SEMA4D: variants seen among roughly 807,000 people sequenced by gnomAD.
SEMA4D encodes semaphorin 4D, also known as semaphorin-4D.
In SEMA4D, 22 loss-of-function variants were observed where a neutral mutation model predicts 74.8. That is an observed-to-expected ratio of 0.29 (90% CI 0.21 to 0.42). SEMA4D has a LOEUF of 0.42. SEMA4D is among the 10% of genes least tolerant of loss of function. The pLI is 1.00. For missense variants in SEMA4D, 937 were observed against 1,118.4 expected, an observed-to-expected ratio of 0.84 and a Z score of 2.31; for synonymous variants, 445 against 463.7, an observed-to-expected ratio of 0.96 and a Z score of 0.52.
chr9:89,399,291 C>CT lies in SEMA4D; in HGVS notation c.299dup (p.Lys102GlufsTer35). 6.2e-7 allele frequency: 1 copy of CT among 1,613,854 alleles called. No homozygotes were observed. The highest frequency in any genetic ancestry group is 8.5e-7 in the Non-Finnish European group (1 of 1,179,662). On this transcript the variant is annotated frameshift_variant, in exon 5 of 16. Coordinates refer to ENST00000422704, the MANE Select transcript of SEMA4D (RefSeq NM_001371194.2). LOFTEE classifies it high-confidence loss of function. The stretch of plus-strand genomic sequence containing the variant: ...AGAAATTTACCTGTTTTGATTTCCC[C>CT]TTTTCTGCACATTTTGCTTTTTTGT...
At chr9:89,431,200 T>C (rs1849203466) in intron 2 of SEMA4D, among the ~76,000 whole-genome samples, 1 of 152,156 alleles carries the variant, frequency 6.6e-6, no homozygotes, top group African/African-American at 2.4e-5. Context: ...ACCCAGGGAA[T>C]GGCCTGACTG....
Position 89,484,548 on chromosome 9 carries a change from G to A in SEMA4D, c.-310+13371C>T, listed in dbSNP as rs745965123. On this transcript the variant is annotated intron_variant, in intron 1 of 15. Transcript: ENST00000422704. The surrounding 1 kb of genome is among the most constrained non-coding windows in gnomAD (Gnocchi z 4.1). ...GTATGGACTGGGTGTGTGGGGTGGG[G>A]AGGTACGTGTATGGTGTGTGTATAC... Among the ~76,000 whole-genome samples the A allele has an allele frequency of 7.9e-5, 12 of 151,616 alleles. No individual in the cohort carries two copies. The highest frequency in any genetic ancestry group is 1.5e-4 in the Non-Finnish European group (10 of 67,888).
intron 6 of SEMA4D, among the ~76,000 whole-genome samples, chr9:89,395,095 A>ATCT (rs1450340193): frequency 6.6e-6 from 1 of 152,170 alleles, no homozygotes; most frequent in East Asian, 1.9e-4. Context: ...CAAGTGATAC[A>ATCT]TCTTTTCTGC....
At chr9:89,494,620 ATG>A (rs1825868261) in intron 1 of SEMA4D, among the ~76,000 whole-genome samples, 1 of 152,244 alleles carries the variant, frequency 6.6e-6, no homozygotes, top group Admixed American at 6.5e-5. Flanking sequence ...ATCCAATGGC[ATG>A]TTTTACAGGG....
chr9:89,381,466 T>A lies in SEMA4D; in HGVS notation c.1447-120A>T. The A allele has an allele frequency of 1.0e-6, 1 of 980,264 alleles. No individual in the cohort carries two copies. Among genetic ancestry groups the A allele is most frequent in the Non-Finnish European group, 1.5e-6 (1 of 686,880 alleles). 60.7% of individuals were successfully genotyped at this position (980,264 alleles called of 1,614,324 possible). ...AGTGTACCTTCAGGGGACATTGCAG[T>A]AAGGAGGAGAGGTACTCAGAACCAG... On this transcript the variant is annotated intron_variant, in intron 13 of 15. Coordinates refer to ENST00000422704, the MANE Select transcript of SEMA4D (RefSeq NM_001371194.2). The surrounding 1 kb of genome is among the most constrained non-coding windows in gnomAD (Gnocchi z 4.6).
At chr9:89,369,964 G>C (rs1834287887) in intron 16 of SEMA4D, among the ~76,000 whole-genome samples, 1 of 151,960 alleles carries the variant, frequency 6.6e-6, no homozygotes, top group African/African-American at 2.4e-5. Context: ...GCTTTGGTGT[G>C]TGCAGTATGT....
chr9:89,455,177 G>A (rs566190884), intron 2 of SEMA4D, among the ~76,000 whole-genome samples: 2 of 152,376 alleles, frequency 1.3e-5, no homozygotes, highest in African/African-American at 4.8e-5. Flanking sequence ...CATGACATGC[G>A]GACTCGCACC....
At chr9:89,463,906 C>A (rs1857976565) in intron 1 of SEMA4D, among the ~76,000 whole-genome samples, 1 of 150,610 alleles carries the variant, frequency 6.6e-6, no homozygotes, top group South Asian at 2.1e-4. Context: ...TGCACTCCAG[C>A]CTGGGTGACA....
At chr9:89,395,118 T>G (rs566202064) in intron 6 of SEMA4D, among the ~76,000 whole-genome samples, 30 of 152,300 alleles carry the variant, frequency 2.0e-4, no homozygotes, top group African/African-American at 7.2e-4. Context: ...CTGTGAAAAC[T>G]TTTATTAAAA....
chr9:89,494,045 A>G (rs148624145), intron 1 of SEMA4D, among the ~76,000 whole-genome samples: 82 of 152,328 alleles, frequency 5.4e-4, no homozygotes, highest in African/African-American at 1.8e-3. Context: ...GCACATATTC[A>G]GAGGATCAAT....
chr9:89,406,897 C>T (rs944890666), intron 2 of SEMA4D, among the ~76,000 whole-genome samples: 6 of 152,150 alleles, frequency 3.9e-5, no homozygotes, highest in Non-Finnish European at 8.8e-5. Flanking sequence ...TTCCTACAGT[C>T]CATGTCCCCA....
chr9:89,425,254 C>T (rs950262774), intron 2 of SEMA4D, among the ~76,000 whole-genome samples: 5 of 152,190 alleles, frequency 3.3e-5, no homozygotes, highest in Admixed American at 2.0e-4. Flanking sequence ...TTGACACCCA[C>T]CCACTGAAAT....
chr9:89,458,029 T>A lies in SEMA4D; in HGVS notation c.-309-2076A>T, dbSNP rs113342532. Among the ~76,000 whole-genome samples, 694 of 151,988 alleles carry A rather than the reference T, an allele frequency of 4.6e-3. 8 individuals carry two copies. The highest frequency in any genetic ancestry group is 6.8e-3 in the Non-Finnish European group (465 of 67,998). ...GCCTGGTCGATAGAGCGAGACTGGG[T>A]CTCAAACAAACAAACAACAAACAAC... On this transcript the variant is annotated intron_variant, in intron 1 of 15. Transcript: ENST00000422704.
chr9:89,405,266 C>T lies in SEMA4D; in HGVS notation c.106+85G>A, dbSNP rs537015150. 19 of 1,198,664 alleles carry T rather than the reference C, an allele frequency of 1.6e-5. 1 individual carries two copies. In the South Asian group the frequency reaches 2.1e-4, roughly 13 times the overall value. The allele number at this position is 1,198,664 out of a possible 1,614,324, so 74.3% of individuals were successfully genotyped here. A position where few individuals can be genotyped will look rare whatever the true frequency, so the allele number is the denominator to read the frequency against. ...CATTCCAGGAAGTGGGGTCCCTGTC[C>T]CGTCCCCAGCCACCCACCTCAGCAT... On this transcript the variant is annotated intron_variant, in intron 3 of 15. Transcript: ENST00000422704.
chr9:89,414,125 C>T (rs369623646), intron 2 of SEMA4D, among the ~76,000 whole-genome samples: 61 of 152,220 alleles, frequency 4.0e-4, no homozygotes, highest in African/African-American at 1.4e-3. Flanking sequence ...GGACACCAGT[C>T]ACTACCACAT....
At chr9:89,391,471 C>A in intron 8 of SEMA4D, 56 bp from the exon 9 acceptor site, 1 of 1,590,412 alleles carries the variant, frequency 6.3e-7, no homozygotes, top group Non-Finnish European at 8.6e-7. Context: ...ACTGCCTGCA[C>A]CCATGAGGTC....
intron 11 of SEMA4D, among the ~76,000 whole-genome samples, chr9:89,388,312 G>C (rs1839006304): frequency 6.6e-6 from 1 of 152,234 alleles, no homozygotes; most frequent in African/African-American, 2.4e-5. Flanking sequence ...GTTGACTAGT[G>C]GACAGTGCAG....
chr9:89,374,918 TG>T (rs1300157740), downstream of SEMA4D, among the ~76,000 whole-genome samples: 1 of 152,110 alleles, frequency 6.6e-6, no homozygotes, highest in Non-Finnish European at 1.5e-5. Context: ...CTGGGCATGG[TG>T]AGGTGTGCCT....
intron 1 of SEMA4D, among the ~76,000 whole-genome samples, chr9:89,480,920 G>A (rs1327451881): frequency 6.6e-6 from 1 of 152,244 alleles, no homozygotes; most frequent in East Asian, 1.9e-4. Flanking sequence ...TGGGAGCCCA[G>A]GCAGGGGAGG....
Sources: gnomAD v4.1 joint callset for allele counts (sites outside exome capture counted in the v4.1 genomes callset) on GRCh38, gnomAD v4.1.1 for gene constraint, Gnocchi (gnomAD v3.1) non-coding constraint, MANE v1.5 for transcripts, NCBI Gene and HGNC (gene_info 2026-07-23, HGNC 2026-07-21) for gene names.